CTNNBL1: variants seen among roughly 807,000 people sequenced by gnomAD.
CTNNBL1 encodes the protein beta-catenin-like protein 1.
Under a neutral mutation model 72.7 loss-of-function variants are expected in CTNNBL1, and 31 were observed. That is an observed-to-expected ratio of 0.43 (90% CI 0.32 to 0.58). The LOEUF (loss-of-function observed/expected upper bound fraction) is 0.58. CTNNBL1 is among the 20% of genes least tolerant of loss of function. The pLI, the probability that CTNNBL1 is intolerant of heterozygous loss-of-function variation, is 0.08. For missense variants in CTNNBL1, 534 were observed against 725.1 expected, an observed-to-expected ratio of 0.74 and a Z score of 3.03; for synonymous variants, 240 against 267.3, an observed-to-expected ratio of 0.90 and a Z score of 1.00.
In CTNNBL1 at chr20:37,818,433, G is replaced by T. The variant is rs753594450; in HGVS notation, c.1213+15385G>T. ...TGGACAAGAAACAGAAGAGCTTTTAGGCCAGGGAATAGCGTATACAAAGGC... is the reference window on the plus strand; with the variant it reads ...TGGACAAGAAACAGAAGAGCTTTTATGCCAGGGAATAGCGTATACAAAGGC... On this transcript the variant is annotated intron_variant, in intron 11 of 15. Coordinates refer to ENST00000361383, the MANE Select transcript of CTNNBL1 (RefSeq NM_030877.5). Among the ~76,000 whole-genome samples, 100 of 152,318 alleles carry T rather than the reference G, an allele frequency of 6.6e-4. 1 individual carries two copies. Among genetic ancestry groups the T allele is most frequent in the South Asian group, 4.2e-4 (2 of 4,814 alleles).
chr20:37,786,043 G>A (rs1016976033), intron 10 of CTNNBL1, among the ~76,000 whole-genome samples: 3 of 152,208 alleles, frequency 2.0e-5, no homozygotes, highest in African/African-American at 7.2e-5. Context: ...TAAAATCGAA[G>A]AGAATTCCCT....
intron 11 of CTNNBL1, among the ~76,000 whole-genome samples, chr20:37,834,487 C>T (rs2122799214): frequency 6.6e-6 from 1 of 152,302 alleles, no homozygotes; most frequent in East Asian, 1.9e-4. Context: ...CTTCATTTTA[C>T]TCTTGTTAAA....
At chr20:37,757,709 GCCA>G in intron 5 of CTNNBL1, 53 bp downstream of exon 5, 1 of 1,373,548 alleles carries the variant, frequency 7.3e-7, no homozygotes, top group Non-Finnish European at 1.0e-6. Flanking sequence ...TGTTGGCATT[GCCA>G]CCACCATCGT....
rs758269905 is a variant in CTNNBL1, at chr20:37,765,209, G to C, written c.577G>C (p.Val193Leu). The change falls in exon 6 of 16, where the codon GTG becomes CTG. Residue 193 changes from valine to leucine, a missense_variant. Physicochemically the swap from Val to Leu is conservative, Grantham distance 32. Transcript: ENST00000361383. ...GCTATTCTTGCAGGTGGATGGGCAG[G>C]TGGTAGCACTGCTGGTACAGAATCT... is the stretch of plus-strand genomic sequence containing the variant. ...VLIDALVDGQ[V>L]VALLVQNLER... The C allele has an allele frequency of 1.3e-6, 2 of 1,551,198 alleles. No homozygotes were observed. Among genetic ancestry groups the C allele is most frequent in the South Asian group, 2.4e-5 (2 of 84,052 alleles).
intron 4 of CTNNBL1, 82 bp downstream of exon 4, chr20:37,746,689 G>A (rs780155574): frequency 4.7e-6 from 7 of 1,493,432 alleles, no homozygotes; most frequent in South Asian, 4.5e-5. Flanking sequence ...TCTCTTTGTA[G>A]ATGTGTGCTA....
chr20:37,829,470 C>G (rs760215413), intron 11 of CTNNBL1, among the ~76,000 whole-genome samples: 2 of 152,160 alleles, frequency 1.3e-5, no homozygotes, highest in Non-Finnish European at 2.9e-5. Context: ...TAGGTAAATG[C>G]CAGGCCATTG....
intron 13 of CTNNBL1, among the ~76,000 whole-genome samples, chr20:37,849,647 T>C (rs1453521151): frequency 1.3e-5 from 2 of 152,248 alleles, no homozygotes; most frequent in Non-Finnish European, 2.9e-5. Flanking sequence ...CTAAGCATTC[T>C]GCTTAGCGTT....
chr20:37,797,654 C>T (rs955616746), intron 10 of CTNNBL1, among the ~76,000 whole-genome samples: 2 of 152,268 alleles, frequency 1.3e-5, no homozygotes, highest in East Asian at 1.9e-4. Context: ...CTCAACCCTT[C>T]GCACCCCCGC....
At chr20:37,736,892 T>C (rs1159656103) in intron 2 of CTNNBL1, among the ~76,000 whole-genome samples, 1 of 152,140 alleles carries the variant, frequency 6.6e-6, no homozygotes, top group African/African-American at 2.4e-5. Flanking sequence ...AAGCATGTGA[T>C]TACAGGCCCT....
At chr20:37,715,713 G>A (rs544286580) in intron 1 of CTNNBL1, among the ~76,000 whole-genome samples, 4 of 152,280 alleles carry the variant, frequency 2.6e-5, no homozygotes, top group South Asian at 2.1e-4. Flanking sequence ...TTCAGTCTGC[G>A]ACAAGTGAGT....
At chr20:37,715,858 A>G (rs2072981753) in intron 1 of CTNNBL1, among the ~76,000 whole-genome samples, 1 of 152,206 alleles carries the variant, frequency 6.6e-6, no homozygotes, top group South Asian at 2.1e-4. Flanking sequence ...GTTTGCCTTG[A>G]TGGCTCTCTT....
At chr20:37,769,513 C>T (rs1467754622) in intron 7 of CTNNBL1, among the ~76,000 whole-genome samples, 1 of 152,178 alleles carries the variant, frequency 6.6e-6, no homozygotes. Flanking sequence ...CTTTTAGCTT[C>T]ATATTTATAT....
At chr20:37,733,826 A>G (rs575821297) in intron 2 of CTNNBL1, among the ~76,000 whole-genome samples, 1 of 152,312 alleles carries the variant, frequency 6.6e-6, no homozygotes, top group South Asian at 2.1e-4. Flanking sequence ...TCCTCCTCTC[A>G]GCCTCCCATG....
chr20:37,769,903 T>TA (rs1347152037), intron 7 of CTNNBL1, among the ~76,000 whole-genome samples: 9 of 152,216 alleles, frequency 5.9e-5, no homozygotes, highest in Admixed American at 3.3e-4. Flanking sequence ...TAAGATATCA[T>TA]ATGCTGCATG....
intron 13 of CTNNBL1, among the ~76,000 whole-genome samples, chr20:37,851,318 T>TC (rs1295827327): frequency 1.4e-5 from 2 of 146,566 alleles, no homozygotes; most frequent in Non-Finnish European, 3.0e-5. Context: ...TATCTCTCTC[T>TC]TTTTTTTTTT....
At chr20:37,867,405 T>G (rs2122877956) in intron 15 of CTNNBL1, among the ~76,000 whole-genome samples, 1 of 152,214 alleles carries the variant, frequency 6.6e-6, no homozygotes, top group East Asian at 1.9e-4. Context: ...CCAGCCCCAG[T>G]GCCCCCTCCC....
intron 11 of CTNNBL1, among the ~76,000 whole-genome samples, chr20:37,825,125 G>A (rs746862634): frequency 2.0e-5 from 3 of 152,212 alleles, no homozygotes; most frequent in South Asian, 4.1e-4. Flanking sequence ...GACCAAGGCG[G>A]GCAGATCACC....
chr20:37,859,518 CAG>C (rs1199128431), intron 13 of CTNNBL1, among the ~76,000 whole-genome samples: 1 of 151,724 alleles, frequency 6.6e-6, no homozygotes, highest in African/African-American at 2.4e-5. Flanking sequence ...CTGTATCTTA[CAG>C]AGAGATTATT....
chr20:37,746,582 C>T lies in CTNNBL1; in HGVS notation c.441C>T (p.Leu147=), dbSNP rs368812998. The T allele has an allele frequency of 5.9e-5, 96 of 1,613,976 alleles. No homozygotes were observed. Among genetic ancestry groups the T allele is most frequent in the Non-Finnish European group, 7.3e-5 (86 of 1,179,986 alleles). Residue 147 remains leucine, a synonymous_variant, in exon 4 of 16, where the codon CTC becomes CTT. Transcript: ENST00000361383. ...AGCTGAATGCTGTACAGTCGCTTCT[C>T]GGCTTGCTCGGACACGATAATACAG... The part of the protein sequence containing the change: ...LVELNAVQSL[L]GLLGHDNTDV...
Sources: gnomAD v4.1 joint callset for allele counts (sites outside exome capture counted in the v4.1 genomes callset) on GRCh38, gnomAD v4.1.1 for gene constraint, MANE v1.5 for transcripts, NCBI Gene and HGNC (gene_info 2026-07-23, HGNC 2026-07-21) for gene names.